Variants in CTNND2 observed in about 807,000 individuals in gnomAD.
CTNND2 encodes the protein catenin delta-2.
Under a neutral mutation model 144.4 loss-of-function variants are expected in CTNND2, and 22 were observed. That is an observed-to-expected ratio of 0.15 (90% confidence interval 0.11 to 0.22). The LOEUF is 0.22. CTNND2 is among the 10% of genes least tolerant of loss of function. The probability of loss-of-function intolerance (pLI) is 1.00; values close to 1 mark genes in which losing one functional copy is unlikely to be tolerated. For missense variants in CTNND2, 1,353 were observed against 1,618.8 expected (o/e 0.84, Z 2.82); for synonymous variants, 751 against 695.6 (o/e 1.08, Z -1.25).
At chr5:11,034,956 T>C (rs1245656318) in intron 16 of CTNND2, among the ~76,000 whole-genome samples, 1 of 151,780 alleles carries the variant, frequency 6.6e-6, no homozygotes, top group Non-Finnish European at 1.5e-5. Flanking sequence ...TGTGCCATGC[T>C]GGTGCGCTGC....
Position 11,387,280 on chromosome 5 carries a change from A to G in CTNND2, c.613-2051T>C, listed in dbSNP as rs188220066. Among the ~76,000 whole-genome samples, 6 of 151,564 alleles carry G rather than the reference A, an allele frequency of 4.0e-5. No individual in the cohort carries two copies. In the East Asian group the frequency reaches 9.7e-4, roughly 24 times the overall value. ...TTCTAGAGGAATCAGAGCAATCAGAATCATACCCCCACCATAAACTGAACA... is the reference window on the plus strand; with the variant it reads ...TTCTAGAGGAATCAGAGCAATCAGAGTCATACCCCCACCATAAACTGAACA... On this transcript the variant is annotated intron_variant, in intron 6 of 21. Transcript: ENST00000304623.
chr5:11,155,726 C>G (rs1758160263), intron 12 of CTNND2, among the ~76,000 whole-genome samples: 1 of 152,052 alleles, frequency 6.6e-6, no homozygotes, highest in Admixed American at 6.5e-5. Context: ...CTTTTTTTTC[C>G]CCACTTCTAT....
chr5:11,066,407 CAATT>C (rs1160039167), intron 16 of CTNND2, among the ~76,000 whole-genome samples: 1 of 152,230 alleles, frequency 6.6e-6, no homozygotes, highest in Non-Finnish European at 1.5e-5. Context: ...CAAGCTCAAT[CAATT>C]GTCAACCAGA....
intron 2 of CTNND2, among the ~76,000 whole-genome samples, chr5:11,699,165 G>A (rs1279077136): frequency 1.3e-5 from 2 of 152,098 alleles, no homozygotes; most frequent in Non-Finnish European, 2.9e-5. Flanking sequence ...GAACAGGTTT[G>A]CCACACTCAA....
chr5:10,978,697 C>A (rs984237508), intron 21 of CTNND2, among the ~76,000 whole-genome samples: 2 of 152,202 alleles, frequency 1.3e-5, no homozygotes, highest in African/African-American at 2.4e-5. Context: ...GCTTGCTCTC[C>A]ATCCAGGGTG....
At chr5:11,531,624 AAAAAC>A (rs1028278673) in intron 3 of CTNND2, among the ~76,000 whole-genome samples, 29 of 152,240 alleles carry the variant, frequency 1.9e-4, no homozygotes, top group African/African-American at 7.0e-4. Context: ...AGACTCTGTC[AAAAAC>A]AAAACAAAAC....
intron 9 of CTNND2, among the ~76,000 whole-genome samples, chr5:11,282,077 A>C (rs1417398863): frequency 2.0e-5 from 3 of 152,176 alleles, no homozygotes; most frequent in East Asian, 3.9e-4. Context: ...CTGAACTGGC[A>C]TTGGAGAATC....
Position 11,865,518 on chromosome 5 carries a change from T to A in CTNND2, c.37+38299A>T, listed in dbSNP as rs576183727. Reference sequence around the variant, plus strand: ...TAACTAAATAAACTCTTGATATAATTCATTTTTATTAATAGAGACCAGCAA... The same window carrying A: ...TAACTAAATAAACTCTTGATATAATACATTTTTATTAATAGAGACCAGCAA... On this transcript the variant is annotated intron_variant, in intron 1 of 21. Transcript: ENST00000304623. Among the ~76,000 whole-genome samples, 122 of 152,288 alleles carry A rather than the reference T, an allele frequency of 8.0e-4. No individual in the cohort carries two copies. In the South Asian group the frequency reaches 0.018, roughly 22 times the overall value.
At chr5:11,433,466 C>T (rs1763483473) in intron 3 of CTNND2, among the ~76,000 whole-genome samples, 1 of 152,164 alleles carries the variant, frequency 6.6e-6, no homozygotes. Context: ...ATACCCGAGG[C>T]TGGGTAATTT....
intron 10 of CTNND2, among the ~76,000 whole-genome samples, chr5:11,222,422 C>T (rs1739891779): frequency 6.6e-6 from 1 of 152,166 alleles, no homozygotes; most frequent in Admixed American, 6.5e-5. Flanking sequence ...TCTTGCCTCG[C>T]TGCAGGGTAG....
rs188854745 is a variant in CTNND2, at chr5:11,432,644, C to T, written c.288-20575G>A. Among the ~76,000 whole-genome samples the T allele has an allele frequency of 5.9e-5, 9 of 152,084 alleles. No individual in the cohort carries two copies. The East Asian group carries it at 1.5e-3, about 26-fold the overall frequency. ...TAAACAGTGATATTTGAGAATCTTT[C>T]AGAAAGACAGAGTATCTTCAAGAGG... is the stretch of plus-strand genomic sequence containing the variant. On this transcript the variant is annotated intron_variant, in intron 3 of 21. Coordinates refer to ENST00000304623, the MANE Select transcript of CTNND2 (RefSeq NM_001332.4).
chr5:11,191,411 A>G (rs1736230871), intron 11 of CTNND2, among the ~76,000 whole-genome samples: 1 of 152,220 alleles, frequency 6.6e-6, no homozygotes, highest in African/African-American at 2.4e-5. Context: ...GAGGAAATCC[A>G]AAATCAAAGG....
chr5:11,541,906 T>G (rs554660717), intron 3 of CTNND2, among the ~76,000 whole-genome samples: 138 of 142,042 alleles, frequency 9.7e-4, no homozygotes, highest in Middle Eastern at 3.7e-3. Context: ...CCCAAGCAAC[T>G]TTACCACCAC....
chr5:11,327,639 G>A (rs1310891199), intron 9 of CTNND2, among the ~76,000 whole-genome samples: 1 of 152,186 alleles, frequency 6.6e-6, no homozygotes, highest in Non-Finnish European at 1.5e-5. Flanking sequence ...ATTACAAGCA[G>A]ATTTACAAGG....
intron 2 of CTNND2, among the ~76,000 whole-genome samples, chr5:11,672,635 G>A (rs1443452889): frequency 6.6e-6 from 1 of 152,136 alleles, no homozygotes; most frequent in Non-Finnish European, 1.5e-5. Flanking sequence ...AACCAAGCTT[G>A]AGCATCCCAG....
chr5:11,694,590 C>T (rs552092227), intron 2 of CTNND2, among the ~76,000 whole-genome samples: 14 of 152,230 alleles, frequency 9.2e-5, no homozygotes, highest in African/African-American at 1.4e-4. Context: ...TGTCCATGCA[C>T]GGCACATGAC....
intron 2 of CTNND2, among the ~76,000 whole-genome samples, chr5:11,703,040 G>C (rs1428215373): frequency 6.6e-6 from 1 of 152,282 alleles, no homozygotes; most frequent in South Asian, 2.1e-4. Flanking sequence ...CGCATTCAGG[G>C]ATCACAAGGC....
chr5:11,730,714 T>C (rs1274414828), intron 2 of CTNND2, among the ~76,000 whole-genome samples: 1 of 152,250 alleles, frequency 6.6e-6, no homozygotes, highest in Non-Finnish European at 1.5e-5. Context: ...ATTGTGATGA[T>C]ACTAAGCTTT....
chr5:11,613,472 C>A (rs909512155), intron 2 of CTNND2, among the ~76,000 whole-genome samples: 1 of 152,116 alleles, frequency 6.6e-6, no homozygotes, highest in Non-Finnish European at 1.5e-5. Context: ...ATTCAGAATT[C>A]ATGAAAAACC....
Sources: allele counts gnomAD v4.1 joint callset (sites outside exome capture counted in the v4.1 genomes callset), GRCh38; gene constraint gnomAD v4.1.1; transcripts MANE v1.5; gene names NCBI Gene and HGNC (gene_info 2026-07-23, HGNC 2026-07-21).